The following TRIM69 variants were observed in gnomAD, a reference collection of about 807,000 sequenced individuals.
The protein encoded by TRIM69 is E3 ubiquitin-protein ligase TRIM69.
Under a neutral mutation model 37.7 loss-of-function variants are expected in TRIM69, and 29 were observed. The observed-to-expected ratio is 0.77, with a 90% confidence interval of 0.57 to 1.05. TRIM69 has a LOEUF of 1.05. Ranked by LOEUF, TRIM69 falls within the 50% of genes least tolerant of loss-of-function variation. The pLI is 0.00. For synonymous variants in TRIM69, 209 were observed against 212.4 expected (o/e 0.98, Z 0.14); for missense variants, 596 against 579.9 (o/e 1.03, Z -0.28).
intron 1 of TRIM69, among the ~76,000 whole-genome samples, chr15:44,748,212 G>A (rs1241484241): frequency 6.6e-6 from 1 of 152,182 alleles, no homozygotes; most frequent in African/African-American, 2.4e-5. Context: ...ATCCTTCAGA[G>A]GAAGATGATA....
rs2087606900 is a variant in TRIM69 at position 44,754,781 on chromosome 15, T to C, written c.7-119T>C. ...ACTGGTTCACTTTCAAAGGAGAGAT[T>C]ATGTGCTTTTACTTTAGTTGTACCA... is the stretch of plus-strand genomic sequence containing the variant. On this transcript the variant is annotated intron_variant, in intron 1 of 6. Coordinates refer to ENST00000329464, the MANE Select transcript of TRIM69 (RefSeq NM_182985.5). 4.1e-6 allele frequency: 3 copies of C among 730,288 alleles called. No homozygotes were observed. The Admixed American group carries it at 7.0e-5, about 17-fold the overall frequency. 45.2% of individuals were successfully genotyped at this position (730,288 alleles called of 1,614,324 possible).
At chr15:44,748,591 A>C (rs773445911) in intron 1 of TRIM69, among the ~76,000 whole-genome samples, 6 of 151,896 alleles carry the variant, frequency 4.0e-5, no homozygotes, top group Non-Finnish European at 8.8e-5. Flanking sequence ...TTGGGAGGCC[A>C]AGGTGGGTGG....
chr15:44,761,995 G>A (rs1318067212), intron 6 of TRIM69, among the ~76,000 whole-genome samples: 1 of 151,972 alleles, frequency 6.6e-6, no homozygotes, highest in Non-Finnish European at 1.5e-5. Flanking sequence ...TTGAGATGGA[G>A]TCTCACTCTG....
In TRIM69 at chr15:44,758,831, C is replaced by G; in HGVS notation, c.790C>G (p.Gln264Glu). ...GAGCATTCAGGCAAAGACGGAACAA[C>G]AGAACTCCTTCGACTTTCTCAAAGT... ...LVSIQAKTEQ[Q>E]NSFDFLKDIT... The change falls in exon 4 of 7, where the codon CAG becomes GAG. Residue 264 changes from glutamine to glutamate, a missense_variant. Transcript: ENST00000329464. 6.2e-7 allele frequency: 1 copy of G among 1,613,756 alleles called. No individual in the cohort carries two copies. Among genetic ancestry groups the G allele is most frequent in the Non-Finnish European group, 8.5e-7 (1 of 1,179,848 alleles).
At chr15:44,767,084 A>AAAAAAAAAAAAAAAAAT in intron 6 of TRIM69, 147 bp from the exon 7 acceptor site, 1 of 386,862 alleles carries the variant, frequency 2.6e-6, no homozygotes, top group Non-Finnish European at 4.5e-6. Flanking sequence ...AAAAAAAAAA[A>AAAAAAAAAAAAAAAAAT]GCATATAAGT....
intron 1 of TRIM69, chr15:44,753,821 TCTC>T (rs1427526249): frequency 6.6e-6 from 1 of 152,086 alleles, no homozygotes; most frequent in African/African-American, 2.4e-5. Flanking sequence ...GTCAAGCAAT[TCTC>T]CTGTCTCAAC....
At chr15:44,753,380 A>G (rs184486750) in intron 1 of TRIM69, 5 of 152,296 alleles carry the variant, frequency 3.3e-5, no homozygotes, top group Admixed American at 3.3e-4. Context: ...GGCCTCCCAA[A>G]GTGTTGGGAT....
chr15:44,736,852 C>T, intron 1 of TRIM69, 142 bp downstream of exon 1: 1 of 888,610 alleles, frequency 1.1e-6, no homozygotes, highest in Non-Finnish European at 1.7e-6. Flanking sequence ...CTGGTAGCTA[C>T]TATACTCTCT....
At chr15:44,756,299 G>C (rs2087644494) in intron 2 of TRIM69, 69 bp from the exon 3 acceptor site, 2 of 1,113,168 alleles carry the variant, frequency 1.8e-6, no homozygotes, top group Non-Finnish European at 2.6e-6. Context: ...CTGGGGCCTT[G>C]GGGAAGATGT....
chr15:44,742,843 C>T (rs1283505776), intron 1 of TRIM69, among the ~76,000 whole-genome samples: 7 of 150,840 alleles, frequency 4.6e-5, no homozygotes, highest in South Asian at 2.1e-4. Context: ...GAACATTCCA[C>T]GCTCATGGAT....
rs1596026434 is a variant in TRIM69 at position 44,753,307 on chromosome 15, T to A, written c.7-1593T>A. The A allele has an allele frequency of 2.0e-5, 3 of 152,108 alleles. No individual in the cohort carries two copies. In the South Asian group the frequency reaches 6.2e-4, roughly 32 times the overall value. The allele number at this position is 152,108 out of a possible 1,614,324, so 9.4% of individuals were successfully genotyped here. On this transcript the variant is annotated intron_variant, in intron 1 of 6. Transcript: ENST00000329464. ...TTCTTTATTTTTAAAAAATTTTAAT[T>A]AAAAAAAAGTAGAAACAGGGTCTTG...
At chr15:44,740,196 A>C (rs2141306330) in intron 1 of TRIM69, among the ~76,000 whole-genome samples, 1 of 152,348 alleles carries the variant, frequency 6.6e-6, no homozygotes, top group African/African-American at 2.4e-5. Context: ...AAAACTAACA[A>C]ACAGAAAGGA....
intron 1 of TRIM69, among the ~76,000 whole-genome samples, chr15:44,746,821 T>C (rs1010227616): frequency 6.6e-6 from 1 of 152,100 alleles, no homozygotes; most frequent in Non-Finnish European, 1.5e-5. Flanking sequence ...TCAATAACAA[T>C]TTAAGTGTTA....
At chr15:44,740,946 C>T (rs1342365583) in intron 1 of TRIM69, among the ~76,000 whole-genome samples, 1 of 151,666 alleles carries the variant, frequency 6.6e-6, no homozygotes, top group Admixed American at 6.6e-5. Flanking sequence ...GAATTGAACT[C>T]AGCTCTGCAC....
chr15:44,748,258 T>G (rs2087448494), intron 1 of TRIM69, among the ~76,000 whole-genome samples: 1 of 152,188 alleles, frequency 6.6e-6, no homozygotes, highest in Non-Finnish European at 1.5e-5. Context: ...GACTTCTAGT[T>G]GCACTTTGTC....
chr15:44,745,338 A>T (rs1350959708), intron 1 of TRIM69, among the ~76,000 whole-genome samples: 3 of 152,216 alleles, frequency 2.0e-5, no homozygotes, highest in Non-Finnish European at 4.4e-5. Context: ...GCTACATGTG[A>T]CGAAGAATAC....
In TRIM69 at chr15:44,756,617, G is replaced by A. The variant is rs890191314; in HGVS notation, c.579+154G>A. 11 of 558,262 alleles carry A rather than the reference G, an allele frequency of 2.0e-5. No homozygotes were observed. The African/African-American group carries it at 2.1e-4, about 10-fold the overall frequency. The allele number at this position is 558,262 out of a possible 1,614,324, so 34.6% of individuals were successfully genotyped here. A position where few individuals can be genotyped will look rare whatever the true frequency, so the allele number is the denominator to read the frequency against. The stretch of plus-strand genomic sequence containing the variant: ...GAAAACTGAGTCTGTAGGGTGGAAA[G>A]GAATATGGTGGTGGAGTAGGTTCCT... On this transcript the variant is annotated intron_variant, in intron 3 of 6. Transcript: ENST00000329464.
intron 1 of TRIM69, among the ~76,000 whole-genome samples, chr15:44,741,025 A>G (rs1303050930): frequency 6.8e-6 from 1 of 146,912 alleles, no homozygotes; most frequent in Non-Finnish European, 1.5e-5. Flanking sequence ...TTTTTTCAGC[A>G]CCACACCACA....
At chr15:44,767,052 T>TAAAAAAAAAAAA (rs2087903924) in intron 6 of TRIM69, among the ~76,000 whole-genome samples, 179 bp from the exon 7 acceptor site, 1 of 1,600 alleles carries the variant, frequency 6.3e-4, no homozygotes, top group African/African-American at 1.2e-3. Flanking sequence ...CTTGTCTGCC[T>TAAAAAAAAAAAA]CAAAAAAAAA....
Sources: allele counts gnomAD v4.1 joint callset (sites outside exome capture counted in the v4.1 genomes callset), GRCh38; gene constraint gnomAD v4.1.1; transcripts MANE v1.5; gene names NCBI Gene and HGNC (gene_info 2026-07-23, HGNC 2026-07-21).